USP54: variants seen among roughly 807,000 people sequenced by gnomAD.
The protein encoded by USP54 is ubiquitin specific peptidase 54.
A neutral mutation model predicts 170.5 loss-of-function variants in USP54; 87 were observed. That is an observed-to-expected ratio of 0.51 (90% confidence interval 0.43 to 0.61). USP54 has a LOEUF of 0.61. Ranked by LOEUF, USP54 falls within the 20% of genes least tolerant of loss-of-function variation. The pLI, the probability that USP54 is intolerant of heterozygous loss-of-function variation, is 0.00. For synonymous variants in USP54, 655 were observed against 742.8 expected, an observed-to-expected ratio of 0.88 and a Z score of 1.92; for missense variants, 1,786 against 2,047.8, an observed-to-expected ratio of 0.87 and a Z score of 2.47.
chr10:73,530,553 G>C, intron 13 of USP54, 30 bp from the exon 14 acceptor site: 1 of 1,581,720 alleles, frequency 6.3e-7, no homozygotes, highest in Non-Finnish European at 8.6e-7. Flanking sequence ...AAGAAATATA[G>C]ATGTTTAAAG....
intron 19 of USP54, among the ~76,000 whole-genome samples, chr10:73,518,477 C>T (rs541806992): frequency 1.8e-4 from 27 of 152,228 alleles, no homozygotes; most frequent in Admixed American, 7.2e-4. Context: ...AAGCCTCGAT[C>T]ACTCACATAC....
chr10:73,517,103 A>C lies in USP54; in HGVS notation c.3323T>G (p.Leu1108Ter). 6.2e-7 allele frequency: 1 copy of C among 1,614,234 alleles called. No individual in the cohort carries two copies. Among genetic ancestry groups the C allele is most frequent in the South Asian group, 1.1e-5 (1 of 91,088 alleles). Residue 1108 changes from leucine (L) to a stop codon, truncating the protein, a stop_gained, in exon 20 of 24, where the codon TTA becomes TGA. Coordinates refer to ENST00000687698, the MANE Select transcript of USP54 (RefSeq NM_001391956.1). LOFTEE classifies it high-confidence loss of function. ...CTCCTCACTGCCTCTGTCCACTTTT[A>C]AAGTCAATGAAGTTTTGAGGCTTTG... ...QGQSLKTSLT[L>*]KVDRGSEETY...
intron 16 of USP54, among the ~76,000 whole-genome samples, chr10:73,524,828 T>C (rs1276042691): frequency 6.6e-6 from 1 of 152,162 alleles, no homozygotes; most frequent in Non-Finnish European, 1.5e-5. Flanking sequence ...AAATGGGAAA[T>C]AATGGAGCTA....
At chr10:73,507,135 A>G (rs1267922365) in intron 20 of USP54, 2 of 151,904 alleles carry the variant, frequency 1.3e-5, no homozygotes, top group African/African-American at 4.8e-5. Context: ...AAAATGATAG[A>G]CAAGCATTTG....
chr10:73,526,113 C>T (rs1295010000), intron 16 of USP54, among the ~76,000 whole-genome samples: 1 of 152,232 alleles, frequency 6.6e-6, no homozygotes, highest in South Asian at 2.1e-4. Flanking sequence ...TCCCTTCTTG[C>T]TCCCACAAGG....
At chr10:73,534,458 C>T (rs1483944947) in intron 12 of USP54, 142 bp downstream of exon 12, 8 of 822,008 alleles carry the variant, frequency 9.7e-6, no homozygotes, top group Non-Finnish European at 1.5e-5. Context: ...ATGATCCACC[C>T]ACCTTGGCCG....
intron 16 of USP54, 27 bp from the exon 17 acceptor site, chr10:73,523,777 C>G (rs1360766539): frequency 2.5e-6 from 4 of 1,585,602 alleles, no homozygotes; most frequent in Non-Finnish European, 3.4e-6. Context: ...GGAGAAGTCA[C>G]CACATTTCCA....
intron 1 of USP54, among the ~76,000 whole-genome samples, chr10:73,615,399 G>T (rs577541149): frequency 6.7e-6 from 1 of 150,362 alleles, no homozygotes; most frequent in South Asian, 2.1e-4. Context: ...GAATGAGTAA[G>T]AGGGAATATT....
intron 1 of USP54, among the ~76,000 whole-genome samples, chr10:73,590,481 T>A (rs1589342044): frequency 6.6e-6 from 1 of 151,920 alleles, no homozygotes; most frequent in East Asian, 1.9e-4. Context: ...GTATCAACCA[T>A]CCAGTATCCA....
intron 12 of USP54, among the ~76,000 whole-genome samples, chr10:73,531,334 A>C (rs1054351746): frequency 1.3e-5 from 2 of 152,074 alleles, no homozygotes; most frequent in African/African-American, 4.8e-5. Flanking sequence ...GGAGCATCCA[A>C]ATTTACAATG....
intron 1 of USP54, among the ~76,000 whole-genome samples, chr10:73,601,966 C>T (rs945217694): frequency 2.6e-5 from 4 of 152,168 alleles, no homozygotes; most frequent in Non-Finnish European, 5.9e-5. Context: ...CAGCCCCTTG[C>T]CCACAGTCAG....
Position 73,498,694 on chromosome 10 carries a change from C to T in USP54, c.4990G>A (p.Val1664Ile), listed in dbSNP as rs767717806. The T allele has an allele frequency of 2.5e-6, 4 of 1,605,662 alleles. No individual in the cohort carries two copies. The African/African-American group carries it at 4.0e-5, about 16-fold the overall frequency. ...RRTVGEGFLF[V>I]LSDAPRREQI... ...TCTCTTCTGGGAGCATCTGATAGAA[C>T]AAACAGAAACCCCTCTCCCACTGTT... is the stretch of plus-strand genomic sequence containing the variant. The change falls in exon 24 of 24, where the codon GTT becomes ATT. Residue 1664 changes from valine (V) to isoleucine (I), a missense_variant. Coordinates refer to ENST00000687698, the MANE Select transcript of USP54 (RefSeq NM_001391956.1).
At chr10:73,527,966 G>A (rs932823852) in intron 15 of USP54, among the ~76,000 whole-genome samples, 1 of 151,404 alleles carries the variant, frequency 6.6e-6, no homozygotes, top group African/African-American at 2.4e-5. Context: ...ATGGAGTTTC[G>A]CTCTTGTCAC....
At chr10:73,590,328 T>C (rs1243993968) in intron 1 of USP54, among the ~76,000 whole-genome samples, 3 of 152,164 alleles carry the variant, frequency 2.0e-5, no homozygotes, top group Admixed American at 2.0e-4. Flanking sequence ...ACAACCATCA[T>C]TTGAATAAGT....
rs539744063 is a variant in USP54 at position 73,597,192 on chromosome 10, T to C, written c.-17-21517A>G. Reference sequence around the variant, plus strand: ...GCGAACTAACTTTGGGAGGAACTTATAGTTTAACTTTGAAACAAAGACAAA... The same window carrying C: ...GCGAACTAACTTTGGGAGGAACTTACAGTTTAACTTTGAAACAAAGACAAA... On this transcript the variant is annotated intron_variant, in intron 1 of 22. Transcript: ENST00000339859. Among the ~76,000 whole-genome samples, 9 of 152,346 alleles carry C rather than the reference T, an allele frequency of 5.9e-5. No homozygotes were observed. The South Asian group carries it at 8.3e-4, about 14-fold the overall frequency.
intron 15 of USP54, among the ~76,000 whole-genome samples, chr10:73,528,877 A>G (rs1415748685): frequency 6.6e-6 from 1 of 152,216 alleles, no homozygotes; most frequent in Admixed American, 6.5e-5. Context: ...TGGTTACTAT[A>G]ATTGAAGGAA....
intron 1 of USP54, among the ~76,000 whole-genome samples, chr10:73,601,114 T>C (rs1444953964): frequency 6.6e-6 from 1 of 152,152 alleles, no homozygotes; most frequent in Non-Finnish European, 1.5e-5. Context: ...TTAAAGTGAA[T>C]AGGAAAGTTT....
At chr10:73,539,794 G>A (rs763488038) in intron 9 of USP54, among the ~76,000 whole-genome samples, 1 of 152,130 alleles carries the variant, frequency 6.6e-6, no homozygotes, top group African/African-American at 2.4e-5. Context: ...AATTACTTGA[G>A]GACAAGAGTT....
rs2075208366 is a variant in USP54 at position 73,571,573 on chromosome 10, TA to T, written c.148-61del. On this transcript the variant is annotated intron_variant, in intron 3 of 23. Coordinates refer to ENST00000687698, the MANE Select transcript of USP54 (RefSeq NM_001391956.1). Reference sequence around the variant, plus strand: ...AAAAAGCTACCATTTAATTTTAAAGTAAAGAGTTCAAACAAACATAGGTAAT... The same window carrying T: ...AAAAAGCTACCATTTAATTTTAAAGTAAGAGTTCAAACAAACATAGGTAAT... 81 of 1,405,900 alleles carry T rather than the reference TA, an allele frequency of 5.8e-5. 1 individual carries two copies. In the South Asian group the frequency reaches 9.2e-4, roughly 16 times the overall value. The allele number at this position is 1,405,900 out of a possible 1,614,324, so 87.1% of individuals were successfully genotyped here. A position where few individuals can be genotyped will look rare whatever the true frequency, so the allele number is the denominator to read the frequency against.
Sources: gnomAD v4.1 joint callset for allele counts (sites outside exome capture counted in the v4.1 genomes callset) on GRCh38, gnomAD v4.1.1 for gene constraint, MANE v1.5 for transcripts, NCBI Gene and HGNC (gene_info 2026-07-23, HGNC 2026-07-21) for gene names.